Variants in TSNARE1 observed in about 807,000 individuals in gnomAD.
TSNARE1 encodes t-SNARE domain containing 1.
TSNARE1 carries 49 observed loss-of-function variants against 62.0 expected under a neutral mutation model. The ratio of observed to expected loss-of-function variants is 0.79; its 90% confidence interval spans 0.63 to 1.00. TSNARE1 has a LOEUF of 1.00. TSNARE1 is among the 50% of genes least tolerant of loss of function. The pLI is 0.00. For synonymous variants in TSNARE1, 328 were observed against 294.4 expected (o/e 1.11, Z -1.17); for missense variants, 755 against 700.1 (o/e 1.08, Z -0.88).
chr8:142,364,150 A>G (rs926108074), intron 1 of TSNARE1, among the ~76,000 whole-genome samples: 1 of 151,996 alleles, frequency 6.6e-6, no homozygotes, highest in Admixed American at 6.5e-5. Context: ...CAGCTTCCAC[A>G]CTCAGGGTTC....
rs147590602 is a variant in TSNARE1 at position 142,258,827 on chromosome 8, G to A, written c.1446+15954C>T. 1.8e-4 allele frequency among the ~76,000 whole-genome samples: 28 copies of A among 152,184 alleles called. No individual in the cohort carries two copies. In the East Asian group the frequency reaches 5.2e-3, roughly 28 times the overall value. ...GTGAACCACCACGCCCAGCCAGAAC[G>A]CATGCCTTTCTGTTGCTCACCTCAG... On this transcript the variant is annotated intron_variant, in intron 12 of 13. Transcript: ENST00000524325.
rs1420072282 is a variant in TSNARE1, at chr8:142,300,647, G to C, written c.1132-3C>G. The C allele has an allele frequency of 1.2e-6, 2 of 1,611,722 alleles. No homozygotes were observed. Among genetic ancestry groups the C allele is most frequent in the Non-Finnish European group, 8.5e-7 (1 of 1,178,864 alleles). ...TCGGCAAACGGGGCCTGGGGACTCT[G>C]CTGATGACAGACAGATCTTGTTAGC... On this transcript the variant is annotated splice_polypyrimidine_tract_variant and splice_region_variant and intron_variant, in intron 9 of 13. Coordinates refer to ENST00000524325, the MANE Select transcript of TSNARE1 (RefSeq NM_145003.5).
chr8:142,235,948 C>A (rs531247624), intron 12 of TSNARE1, among the ~76,000 whole-genome samples: 1 of 151,966 alleles, frequency 6.6e-6, no homozygotes, highest in African/African-American at 2.4e-5. Context: ...CTTCACCTGG[C>A]GAGGTGGGGG....
chr8:142,273,476 G>A, intron 12 of TSNARE1: 1 of 985,422 alleles, frequency 1.0e-6, no homozygotes, highest in Non-Finnish European at 1.2e-6. Context: ...AGGCCAAACA[G>A]CCCAGAGCTG....
intron 13 of TSNARE1, among the ~76,000 whole-genome samples, chr8:142,226,522 A>G (rs547992755): frequency 9.2e-5 from 14 of 152,238 alleles, no homozygotes; most frequent in African/African-American, 3.1e-4. Flanking sequence ...CAGAGCTGGG[A>G]GGGGGACCCT....
At chr8:142,286,121 C>T (rs1822705267) in intron 10 of TSNARE1, among the ~76,000 whole-genome samples, 2 of 152,192 alleles carry the variant, frequency 1.3e-5, no homozygotes, top group African/African-American at 4.8e-5. Flanking sequence ...GATGCATGGC[C>T]CTGGGCAAGC....
intron 1 of TSNARE1, among the ~76,000 whole-genome samples, chr8:142,379,839 C>A (rs1238079104): frequency 6.6e-6 from 1 of 152,176 alleles, no homozygotes; most frequent in African/African-American, 2.4e-5. Context: ...GTGCCACCCA[C>A]CCAAATCTGC....
At chr8:142,373,137 A>G (rs1836032054) in intron 1 of TSNARE1, among the ~76,000 whole-genome samples, 1 of 152,134 alleles carries the variant, frequency 6.6e-6, no homozygotes, top group Admixed American at 6.5e-5. Flanking sequence ...TCTGGGTGTC[A>G]TGAGAAGAAA....
intron 1 of TSNARE1, among the ~76,000 whole-genome samples, chr8:142,365,207 C>G (rs555936927): frequency 1.5e-4 from 23 of 152,258 alleles, no homozygotes; most frequent in African/African-American, 5.3e-4. Context: ...TCTCCCTGCC[C>G]AAAGTGTGTG....
At chr8:142,258,960 C>G (rs760218633) in intron 12 of TSNARE1, among the ~76,000 whole-genome samples, 1 of 152,202 alleles carries the variant, frequency 6.6e-6, no homozygotes, top group Non-Finnish European at 1.5e-5. Context: ...ATCACCGGGG[C>G]CCTACTCCCA....
chr8:142,237,643 C>G (rs953928430), intron 12 of TSNARE1, among the ~76,000 whole-genome samples: 1 of 152,228 alleles, frequency 6.6e-6, no homozygotes, highest in South Asian at 2.1e-4. Flanking sequence ...GCTGTGAGTG[C>G]ACAGGCATAC....
chr8:142,336,595 A>G (rs1831792389), intron 4 of TSNARE1, among the ~76,000 whole-genome samples: 1 of 152,218 alleles, frequency 6.6e-6, no homozygotes, highest in Non-Finnish European at 1.5e-5. Flanking sequence ...AGAACTGGAA[A>G]GAAACACACA....
chr8:142,222,503 TCCACTCACTCACTCAC>T (rs1816380991), intron 13 of TSNARE1, among the ~76,000 whole-genome samples: 1 of 34,202 alleles, frequency 2.9e-5, no homozygotes. Flanking sequence ...CACTCACTCA[TCCACTCACTCACTCAC>T]TCATCCACTC....
intron 11 of TSNARE1, among the ~76,000 whole-genome samples, chr8:142,281,545 ACT>A (rs1428533685): frequency 6.6e-6 from 1 of 151,228 alleles, no homozygotes; most frequent in Non-Finnish European, 1.5e-5. Context: ...GACATGAGAG[ACT>A]CTGGCTCTCC....
At chr8:142,274,339 C>T (rs1820066318) in intron 12 of TSNARE1, 1 of 985,466 alleles carries the variant, frequency 1.0e-6, no homozygotes, top group South Asian at 4.7e-5. Context: ...CCAAGTCCCA[C>T]TTCAAGAAAA....
intron 1 of TSNARE1, among the ~76,000 whole-genome samples, chr8:142,395,991 C>T (rs549367200): frequency 4.6e-5 from 7 of 151,590 alleles, no homozygotes; most frequent in African/African-American, 1.4e-4. Flanking sequence ...CCAGGGCAGA[C>T]GCCTGTGGCT....
chr8:142,277,648 C>T lies in TSNARE1; in HGVS notation c.1364-2785G>A, dbSNP rs906363602. On this transcript the variant is annotated intron_variant, in intron 11 of 13. Coordinates refer to ENST00000524325, the MANE Select transcript of TSNARE1 (RefSeq NM_145003.5). ...ACTCTCGCTTGGGAATTCAACACGT[C>T]AGTTGCTGTCAGCAGCAGGGCAGGC... is the stretch of plus-strand genomic sequence containing the variant. 1.4e-5 allele frequency: 14 copies of T among 985,338 alleles called. No individual in the cohort carries two copies. The African/African-American group carries it at 2.3e-4, about 16-fold the overall frequency. 61.0% of individuals were successfully genotyped at this position (985,338 alleles called of 1,614,324 possible).
intron 12 of TSNARE1, among the ~76,000 whole-genome samples, chr8:142,236,627 C>T (rs1193593601): frequency 6.6e-6 from 1 of 151,928 alleles, no homozygotes; most frequent in African/African-American, 2.4e-5. Context: ...TTCAGAAATC[C>T]CCAAAGACAC....
intron 12 of TSNARE1, among the ~76,000 whole-genome samples, chr8:142,259,211 G>C (rs1003326299): frequency 4.6e-5 from 7 of 152,246 alleles, no homozygotes; most frequent in African/African-American, 1.7e-4. Context: ...CCCAACTCCC[G>C]TGACTGCTGT....
Sources: allele counts gnomAD v4.1 joint callset (sites outside exome capture counted in the v4.1 genomes callset), GRCh38; gene constraint gnomAD v4.1.1; transcripts MANE v1.5; gene names NCBI Gene and HGNC (gene_info 2026-07-23, HGNC 2026-07-21).